Variants in PAK3 observed in about 807,000 individuals in gnomAD.
PAK3 encodes p21 (RAC1) activated kinase 3.
In PAK3, 4 loss-of-function variants were observed where a neutral mutation model predicts 41.0. The observed-to-expected ratio is 0.10, with a 90% CI of 0.05 to 0.22. The LOEUF (loss-of-function observed/expected upper bound fraction) is 0.22. Among genes scored for constraint, PAK3 ranks in the 10% least tolerant of loss-of-function variants. PAK3 has a pLI of 1.00. For missense variants in PAK3, 205 were observed against 409.9 expected (o/e 0.50, Z 4.32); for synonymous variants, 146 against 139.6 (o/e 1.05, Z -0.32).
At chrX:111,130,360 A>G (rs1194348873) in intron 5 of PAK3, among the ~76,000 whole-genome samples, 1 of 111,975 alleles carries the variant, frequency 8.9e-6, no homozygotes, top group Non-Finnish European at 1.9e-5. Context: ...TTTTATCTGT[A>G]CATTAAAGCC....
chrX:111,168,493 T>C lies in PAK3; in HGVS notation c.767-4525T>C, dbSNP rs189190194. ...ATGGTAAACAAGGCCTCTAGTATAC[T>C]TGCCTAACATCAGTAGATGGCAGCA... On this transcript the variant is annotated intron_variant, in intron 10 of 17. Transcript: ENST00000372007. Among the ~76,000 whole-genome samples, 3 of 111,870 alleles carry C rather than the reference T, an allele frequency of 2.7e-5. No individual in the cohort carries two copies. The East Asian group carries it at 8.5e-4, about 32-fold the overall frequency.
chrX:111,125,308 A>G (rs1267800897), intron 5 of PAK3, among the ~76,000 whole-genome samples: 1 of 111,345 alleles, frequency 9.0e-6, no homozygotes, highest in African/African-American at 3.3e-5. Context: ...AGACAAGAAA[A>G]ACCTATGGAT....
chrX:111,013,634 T>C (rs1264494548), intron 1 of PAK3, among the ~76,000 whole-genome samples: 1 of 111,369 alleles, frequency 9.0e-6, no homozygotes, highest in Non-Finnish European at 1.9e-5. Context: ...TCTGCACAGA[T>C]AGTACAGGCG....
chrX:110,995,527 T>C (rs896280146), intron 1 of PAK3, among the ~76,000 whole-genome samples: 2 of 111,392 alleles, frequency 1.8e-5, no homozygotes, highest in African/African-American at 6.5e-5. Context: ...AGACCACTGT[T>C]GAGTCCCTCT....
intron 1 of PAK3, among the ~76,000 whole-genome samples, chrX:110,977,429 A>G (rs760387601): frequency 2.7e-4 from 30 of 110,725 alleles, no homozygotes; most frequent in Middle Eastern, 4.7e-3. Flanking sequence ...GCCAATTTCT[A>G]TTTTAAAAAT....
chrX:111,163,454 TAAGAAAA>T, intron 9 of PAK3, 101 bp from the exon 10 acceptor site: 1 of 604,930 alleles, frequency 1.7e-6, no homozygotes, highest in African/African-American at 2.3e-5. Context: ...TTTTTTTTTT[TAAGAAAA>T]TACCACTTGT....
chrX:111,057,765 T>A (rs2092617440), intron 1 of PAK3, among the ~76,000 whole-genome samples: 1 of 111,638 alleles, frequency 9.0e-6, no homozygotes, highest in Non-Finnish European at 1.9e-5. Flanking sequence ...TGTGCAACCA[T>A]CATCACTAAT....
chrX:111,161,308 G>A (rs1318332610), intron 8 of PAK3, among the ~76,000 whole-genome samples: 1 of 111,230 alleles, frequency 9.0e-6, no homozygotes, highest in Non-Finnish European at 1.9e-5. Flanking sequence ...CTTTTTGATG[G>A]GGTTGTTTGT....
intron 16 of PAK3, among the ~76,000 whole-genome samples, chrX:111,209,731 C>T (rs889818247): frequency 8.9e-6 from 1 of 112,294 alleles, no homozygotes; most frequent in Non-Finnish European, 1.9e-5. Flanking sequence ...AATTTCTTAA[C>T]TTAAACTTTA....
chrX:110,982,901 T>C (rs764361476), intron 1 of PAK3, among the ~76,000 whole-genome samples: 3 of 110,230 alleles, frequency 2.7e-5, no homozygotes, highest in African/African-American at 6.6e-5. Flanking sequence ...TGGGATGGCA[T>C]GATCTAGTGT....
At chrX:111,157,796 A>C (rs770842056) in intron 8 of PAK3, among the ~76,000 whole-genome samples, 2 of 111,220 alleles carry the variant, frequency 1.8e-5, no homozygotes, top group East Asian at 2.8e-4. Context: ...TCAAAAAAAA[A>C]AAAAGAAAAG....
chrX:110,969,090 C>G (rs1332552194), intron 1 of PAK3, among the ~76,000 whole-genome samples: 19 of 16,385 alleles, frequency 1.2e-3, no homozygotes, highest in Middle Eastern at 0.12. Context: ...ACCAGACCTG[C>G]CTAATTTTTT....
intron 1 of PAK3, among the ~76,000 whole-genome samples, chrX:110,988,667 T>A (rs1254743237): frequency 1.8e-5 from 2 of 111,996 alleles, no homozygotes; most frequent in East Asian, 5.6e-4. Flanking sequence ...AACAAGGGAA[T>A]GGAGTAGGAT....
rs2094941432 is a variant in PAK3, at chrX:111,224,115, T to C, written c.*3668T>C. 1 of 111,778 alleles carries C rather than the reference T, an allele frequency of 8.9e-6. No homozygotes were observed. Among genetic ancestry groups the C allele is most frequent in the East Asian group, 2.8e-4 (1 of 3,548 alleles). The allele number at this position is 111,778 out of a possible 1,213,427, so 9.2% of individuals were successfully genotyped here. The stretch of plus-strand genomic sequence containing the variant: ...AGTTACAATTATTCCATAGGCTTTA[T>C]GCTTGCCTGGGTGCTGAGGTTGGCA... On this transcript the variant is annotated 3_prime_UTR_variant, in exon 18 of 18. Coordinates refer to ENST00000372007, the MANE Select transcript of PAK3 (RefSeq NM_002578.5).
At chrX:111,146,476 T>C (rs1220749448) in intron 6 of PAK3, 2 of 899,150 alleles carry the variant, frequency 2.2e-6, no homozygotes, top group Non-Finnish European at 3.2e-6. Flanking sequence ...TTGTCCCACA[T>C]TCTGTTTTAA....
chrX:111,201,236 T>A (rs1231675511), intron 16 of PAK3, among the ~76,000 whole-genome samples: 1 of 112,373 alleles, frequency 8.9e-6, no homozygotes, highest in African/African-American at 3.2e-5. Flanking sequence ...ACTTTTTTGG[T>A]TTCGATTTCA....
chrX:111,093,670 C>G (rs183901941), upstream of PAK3, among the ~76,000 whole-genome samples: 91 of 112,266 alleles, frequency 8.1e-4, 1 homozygote, highest in African/African-American at 2.6e-3. Flanking sequence ...AGTCCTCTTT[C>G]TATGACATCA....
chrX:111,132,444 G>A (rs1356460300), intron 5 of PAK3, among the ~76,000 whole-genome samples: 1 of 110,884 alleles, frequency 9.0e-6, no homozygotes. Context: ...GATTGCACCT[G>A]GGCAGGGTGA....
intron 1 of PAK3, among the ~76,000 whole-genome samples, chrX:111,078,977 T>C (rs1193362532): frequency 8.9e-6 from 1 of 112,326 alleles, no homozygotes; most frequent in Non-Finnish European, 1.9e-5. Context: ...CCTAACTTTC[T>C]TCAATTGTAT....
Sources: allele counts gnomAD v4.1 joint callset (sites outside exome capture counted in the v4.1 genomes callset), GRCh38; gene constraint gnomAD v4.1.1; transcripts MANE v1.5; gene names NCBI Gene and HGNC (gene_info 2026-07-23, HGNC 2026-07-21).